UGGT2: variants seen among roughly 807,000 people sequenced by gnomAD.
The protein encoded by UGGT2 is UDP-glucose glycoprotein glucosyltransferase 2, also known as UDP-glucose:glycoprotein glucosyltransferase 2.
In UGGT2, 180 loss-of-function variants were observed where a neutral mutation model predicts 192.1. The ratio of observed to expected loss-of-function variants is 0.94; its 90% CI spans 0.83 to 1.06. The LOEUF (loss-of-function observed/expected upper bound fraction) is 1.06. Among genes scored for constraint, UGGT2 ranks in the 50% least tolerant of loss-of-function variants. The pLI is 0.00. For synonymous variants in UGGT2, 580 were observed against 591.0 expected (o/e 0.98, Z 0.27); for missense variants, 1,849 against 1,795.7 (o/e 1.03, Z -0.54).
At chr13:95,960,740 T>G in intron 12 of UGGT2, among the ~76,000 whole-genome samples, 1 of 152,140 alleles carries the variant, frequency 6.6e-6, no homozygotes, top group East Asian at 1.9e-4. Context: ...CCATGGCAAA[T>G]TATAGTCAAA....
chr13:96,000,137 G>T (rs1366933592), intron 5 of UGGT2, among the ~76,000 whole-genome samples: 1 of 152,164 alleles, frequency 6.6e-6, no homozygotes, highest in Non-Finnish European at 1.5e-5. Context: ...ATCTCAAGGG[G>T]TTAGAAAACA....
intron 1 of UGGT2, among the ~76,000 whole-genome samples, chr13:96,036,585 C>A (rs2053010499): frequency 6.6e-6 from 1 of 151,940 alleles, no homozygotes; most frequent in African/African-American, 2.4e-5. Context: ...AAAAAGTATT[C>A]ACTTAAAAGT....
chr13:95,945,870 A>C (rs1461597750), intron 15 of UGGT2, among the ~76,000 whole-genome samples: 1 of 152,140 alleles, frequency 6.6e-6, no homozygotes, highest in Non-Finnish European at 1.5e-5. Flanking sequence ...TAGCTCAGTG[A>C]ATTAATAAGG....
At chr13:95,903,487 T>A (rs1483019226) in intron 20 of UGGT2, among the ~76,000 whole-genome samples, 1 of 152,208 alleles carries the variant, frequency 6.6e-6, no homozygotes, top group Non-Finnish European at 1.5e-5. Flanking sequence ...TCTTGTCATT[T>A]ATGGTAATAA....
At position 95,986,367 on chromosome 13, in the gene UGGT2, T is replaced by C. The variant is rs760750825; in HGVS notation, c.997A>G (p.Lys333Glu). 6.2e-7 allele frequency: 1 copy of C among 1,604,988 alleles called. No individual in the cohort carries two copies. Among genetic ancestry groups the C allele is most frequent in the Non-Finnish European group, 8.5e-7 (1 of 1,173,386 alleles). ...ATGGGGAAGTTCTGTGAAATGTCTT[T>C]CATTAATTTAATGGAATCATAAACT... ...APVYDSIKLM[K>E]DISQNFPIKA... The change falls in exon 9 of 39, where the codon AAA (lysine) becomes GAA (glutamate). Residue 333 changes from lysine (K) to glutamate (E), a missense_variant. Transcript: ENST00000376747.
chr13:95,842,171 G>A (rs1887934100), intron 36 of UGGT2, among the ~76,000 whole-genome samples: 1 of 152,054 alleles, frequency 6.6e-6, no homozygotes, highest in African/African-American at 2.4e-5. Context: ...GTGTCCTTTT[G>A]CAATTGTTCC....
intron 10 of UGGT2, among the ~76,000 whole-genome samples, chr13:95,980,061 A>G (rs1365436645): frequency 1.3e-5 from 2 of 152,218 alleles, no homozygotes; most frequent in Non-Finnish European, 2.9e-5. Flanking sequence ...GTAAACTAGT[A>G]CAATCACTAT....
intron 19 of UGGT2, 97 bp from the exon 20 acceptor site, chr13:95,925,871 AAAT>A: frequency 1.3e-6 from 1 of 750,760 alleles, no homozygotes; most frequent in Non-Finnish European, 2.0e-6. Flanking sequence ...AAAAAAATTA[AAAT>A]AATATTTCTG....
rs531131001 is a variant in UGGT2 at position 95,970,153 on chromosome 13, C to A, written c.1294G>T (p.Glu432Ter). 3.1e-6 allele frequency: 5 copies of A among 1,610,588 alleles called. No homozygotes were observed. Among genetic ancestry groups the A allele is most frequent in the Non-Finnish European group, 4.2e-6 (5 of 1,177,086 alleles). The change falls in exon 12 of 39, where the codon GAA becomes TAA. Residue 432 changes from glutamate (E) to a stop codon, truncating the protein, a stop_gained. Transcript: ENST00000376747. LOFTEE classifies it high-confidence loss of function. ...CGAATATCTAATACATAAGTATATT[C>A]CCAAATGTGTGAATTTAATTTTAAA... ...KFLKLNSHIW[E>*]YTYVLDIRHS...
At chr13:95,925,422 T>C (rs538113832) in intron 20 of UGGT2, among the ~76,000 whole-genome samples, 1 of 152,290 alleles carries the variant, frequency 6.6e-6, no homozygotes, top group South Asian at 2.1e-4. Context: ...AATACCCTAT[T>C]TGTAATCAAT....
intron 2 of UGGT2, among the ~76,000 whole-genome samples, chr13:96,025,078 T>C (rs895738610): frequency 1.3e-5 from 2 of 152,228 alleles, no homozygotes; most frequent in Non-Finnish European, 2.9e-5. Flanking sequence ...ATTGTGGTTA[T>C]TGCTTTTGTT....
At chr13:95,945,916 G>A (rs1370070628) in intron 15 of UGGT2, among the ~76,000 whole-genome samples, 1 of 152,050 alleles carries the variant, frequency 6.6e-6, no homozygotes, top group African/African-American at 2.4e-5. Flanking sequence ...CAGAAGTAGG[G>A]TAGGAAATTT....
chr13:95,959,975 CT>C (rs2050337193), intron 12 of UGGT2, among the ~76,000 whole-genome samples: 1 of 152,148 alleles, frequency 6.6e-6, no homozygotes, highest in Non-Finnish European at 1.5e-5. Context: ...TACAAGCCAC[CT>C]AGCAAACAGA....
At chr13:95,996,830 C>A (rs2051637432) in intron 6 of UGGT2, among the ~76,000 whole-genome samples, 1 of 152,034 alleles carries the variant, frequency 6.6e-6, no homozygotes, top group South Asian at 2.1e-4. Flanking sequence ...TAAAGATAAT[C>A]AAGGAACATT....
At chr13:95,886,371 T>C (rs927672327) in intron 26 of UGGT2, among the ~76,000 whole-genome samples, 16 of 152,222 alleles carry the variant, frequency 1.1e-4, no homozygotes, top group Admixed American at 9.2e-4. Context: ...CTGTATACTC[T>C]AGTACATTAT....
At chr13:95,904,401 G>T (rs558197501) in intron 20 of UGGT2, among the ~76,000 whole-genome samples, 1 of 149,482 alleles carries the variant, frequency 6.7e-6, no homozygotes, top group Non-Finnish European at 1.5e-5. Context: ...CCATTAACTC[G>T]TCATCTAGCA....
chr13:96,046,426 C>A (rs181245244), intron 1 of UGGT2, among the ~76,000 whole-genome samples: 1 of 152,272 alleles, frequency 6.6e-6, no homozygotes, highest in East Asian at 1.9e-4. Flanking sequence ...TTGGCTTAGG[C>A]AAGGATTTCA....
At chr13:96,041,575 C>A (rs963577727) in intron 1 of UGGT2, among the ~76,000 whole-genome samples, 7 of 152,178 alleles carry the variant, frequency 4.6e-5, no homozygotes, top group Non-Finnish European at 8.8e-5. Flanking sequence ...GCATTTGCAG[C>A]TGGGAGGCTG....
intron 27 of UGGT2, among the ~76,000 whole-genome samples, chr13:95,883,480 T>C (rs989924172): frequency 7.9e-5 from 12 of 152,170 alleles, no homozygotes; most frequent in Non-Finnish European, 1.5e-4. Flanking sequence ...TCATGTCTAA[T>C]TGTAATCCCC....
Sources: allele counts gnomAD v4.1 joint callset (sites outside exome capture counted in the v4.1 genomes callset), GRCh38; gene constraint gnomAD v4.1.1; transcripts MANE v1.5; gene names NCBI Gene and HGNC (gene_info 2026-07-23, HGNC 2026-07-21).